The following SLC19A3 variants were observed in gnomAD, a reference collection of about 807,000 sequenced individuals.
SLC19A3 encodes the protein solute carrier family 19 member 3.
A neutral mutation model predicts 40.2 loss-of-function variants in SLC19A3; 31 were observed. That is an observed-to-expected ratio of 0.77 (90% CI 0.58 to 1.04). The LOEUF (loss-of-function observed/expected upper bound fraction) is 1.04, where lower values mean the gene tolerates loss of function less well. SLC19A3 is among the 50% of genes least tolerant of loss of function. The pLI is 0.00. For synonymous variants in SLC19A3, 212 were observed against 227.5 expected (o/e 0.93, Z 0.61); for missense variants, 592 against 596.7 (o/e 0.99, Z 0.08).
intron 5 of SLC19A3, among the ~76,000 whole-genome samples, chr2:227,687,794 A>C (rs538154249): frequency 3.1e-4 from 47 of 152,304 alleles, no homozygotes; most frequent in African/African-American, 1.1e-3. Context: ...GCTTTAGAGC[A>C]GGTTGCTTGG....
chr2:227,687,732 G>T (rs1022151150), intron 5 of SLC19A3, among the ~76,000 whole-genome samples, 159 bp from the exon 6 acceptor site: 2 of 152,130 alleles, frequency 1.3e-5, no homozygotes, highest in Non-Finnish European at 2.9e-5. Context: ...TATCAAGTAA[G>T]AAATCAAGAT....
At chr2:227,708,380 T>C (rs1696022627) in intron 1 of SLC19A3, among the ~76,000 whole-genome samples, 1 of 152,344 alleles carries the variant, frequency 6.6e-6, no homozygotes. Flanking sequence ...TTTCTTCTTT[T>C]ATTTCAATTA....
At chr2:227,687,981 T>A (rs142631374) in intron 5 of SLC19A3, among the ~76,000 whole-genome samples, 185 bp downstream of exon 5, 343 of 152,362 alleles carry the variant, frequency 2.3e-3, no homozygotes, top group African/African-American at 7.3e-3. Context: ...GCCTTATCCA[T>A]GTAAATGTTG....
chr2:227,688,303 G>C lies in SLC19A3; in HGVS notation c.1177C>G (p.Gln393Glu), dbSNP rs1416240998. The change falls in exon 5 of 6, where the codon CAG becomes GAG. Residue 393 changes from glutamine (Q) to glutamate (E), a missense_variant. Coordinates refer to ENST00000644224, the MANE Select transcript of SLC19A3 (RefSeq NM_025243.4). ...YMLLITIAVF[Q>E]IAVNLNVERY... ...TCCACATTCAGATTAACTGCAATCT[G>C]AAATCTATCATTAAACATAAATAAG... 1 of 1,613,602 alleles carries C rather than the reference G, an allele frequency of 6.2e-7. No homozygotes were observed. Among genetic ancestry groups the C allele is most frequent in the East Asian group, 2.2e-5 (1 of 44,880 alleles).
intron 1 of SLC19A3, among the ~76,000 whole-genome samples, chr2:227,712,988 T>C (rs376912148): frequency 3.9e-5 from 6 of 152,168 alleles, no homozygotes; most frequent in African/African-American, 1.4e-4. Context: ...TTGATTGTGG[T>C]GATGATTACA....
At chr2:227,704,623 C>G (rs56347459) in intron 1 of SLC19A3, among the ~76,000 whole-genome samples, 25,903 of 151,764 alleles carry the variant, frequency 0.17, 2,637 homozygotes, top group African/African-American at 0.28. Flanking sequence ...CTGTTTGAGA[C>G]AGCCTGGCTA....
At chr2:227,691,315 AAAG>A (rs1695218151) in intron 4 of SLC19A3, among the ~76,000 whole-genome samples, 1 of 152,230 alleles carries the variant, frequency 6.6e-6, no homozygotes, top group Non-Finnish European at 1.5e-5. Context: ...TACATAAAAA[AAAG>A]AAGAGAGGCC....
At chr2:227,710,103 C>G (rs931498844) in intron 1 of SLC19A3, among the ~76,000 whole-genome samples, 3 of 152,048 alleles carry the variant, frequency 2.0e-5, no homozygotes, top group Non-Finnish European at 4.4e-5. Flanking sequence ...TGACGGGAGA[C>G]GGAGCTCAGG....
At chr2:227,713,898 T>G (rs1012477512) in intron 1 of SLC19A3, among the ~76,000 whole-genome samples, 1 of 151,644 alleles carries the variant, frequency 6.6e-6, no homozygotes, top group East Asian at 1.9e-4. Flanking sequence ...GGACATAGCA[T>G]GAAGATTTCA....
At chr2:227,698,059 C>T (rs1300605444) in intron 3 of SLC19A3, among the ~76,000 whole-genome samples, 1 of 152,092 alleles carries the variant, frequency 6.6e-6, no homozygotes, top group Non-Finnish European at 1.5e-5. Flanking sequence ...AGCTTGGTGA[C>T]AGAGTGAGGC....
chr2:227,685,424 C>G lies in SLC19A3; in HGVS notation c.*1973G>C, dbSNP rs1694981632. 1 of 152,152 alleles carries G rather than the reference C, an allele frequency of 6.6e-6. No individual in the cohort carries two copies. The highest frequency in any genetic ancestry group is 2.4e-5 in the African/African-American group (1 of 41,408). 9.4% of individuals were successfully genotyped at this position (152,152 alleles called of 1,614,324 possible). On this transcript the variant is annotated 3_prime_UTR_variant, in exon 6 of 6. Transcript: ENST00000644224. ...TCACGATAACTCACTGTCATGAGAC[C>G]AGCACTGAGGGGACGGTGCCAAACC...
In SLC19A3 at chr2:227,698,807, C is replaced by T. The variant is rs1322524231; in HGVS notation, c.908G>A (p.Trp303Ter). 1.2e-6 allele frequency: 2 copies of T among 1,614,064 alleles called. No homozygotes were observed. The highest frequency in any genetic ancestry group is 1.3e-5 in the African/African-American group (1 of 74,920). ...NQVLNYVQIL[W>*]DYKAPSQDSS... ...ATCTTGGGATGGCGCCTTGTAATCC[C>T]ACAGGATTTGAACATAGTTCAAAAC... The change falls in exon 3 of 6, where the codon TGG becomes TAG. Residue 303 changes from tryptophan to a stop codon, truncating the protein, a stop_gained. Coordinates refer to ENST00000644224, the MANE Select transcript of SLC19A3 (RefSeq NM_025243.4). LOFTEE classifies it high-confidence loss of function.
At position 227,698,744 on chromosome 2, in the gene SLC19A3, G is replaced by T. The variant is rs933274402; in HGVS notation, c.971C>A (p.Thr324Asn). 1.2e-6 allele frequency: 2 copies of T among 1,613,304 alleles called. No homozygotes were observed. The highest frequency in any genetic ancestry group is 2.2e-5 in the East Asian group (1 of 44,876). The change falls in exon 3 of 6, where the codon ACC (threonine) becomes AAC (asparagine). Residue 324 changes from threonine to asparagine, a missense_variant. Physicochemically the swap from Thr to Asn is moderately conservative, Grantham distance 65. Coordinates refer to ENST00000644224, the MANE Select transcript of SLC19A3 (RefSeq NM_025243.4). Reference protein sequence around the residue: ...IYNGAVEAIATFGGAVAAFAV... With the variant: ...IYNGAVEAIANFGGAVAAFAV... ...AAGTGACATTTGCTTACCTCCAAAG[G>T]TTGCAATAGCTTCTACGGCCCCATT... is the stretch of plus-strand genomic sequence containing the variant.
chr2:227,687,303 G>T lies in SLC19A3; in HGVS notation c.*94C>A. ...ATTGGAATCCAGATTTGCAAAGCATGTCAAGTTATGGCAAAACATATGCCA... is the reference window on the plus strand; with the variant it reads ...ATTGGAATCCAGATTTGCAAAGCATTTCAAGTTATGGCAAAACATATGCCA... On this transcript the variant is annotated 3_prime_UTR_variant, in exon 6 of 6. Transcript: ENST00000644224. 2 of 1,319,328 alleles carry T rather than the reference G, an allele frequency of 1.5e-6. No homozygotes were observed. Among genetic ancestry groups the T allele is most frequent in the Non-Finnish European group, 2.1e-6 (2 of 954,344 alleles). The allele number at this position is 1,319,328 out of a possible 1,614,324, so 81.7% of individuals were successfully genotyped here.
At chr2:227,706,766 G>A in intron 1 of SLC19A3, 1 of 154,228 alleles carries the variant, frequency 6.5e-6, no homozygotes, top group Non-Finnish European at 1.4e-5. Flanking sequence ...GAACGACTGT[G>A]TTAATAACAA....
In SLC19A3 at chr2:227,687,555, A is replaced by G; in HGVS notation, c.1333T>C (p.Tyr445His). ...AAAATTCCAGCAATTACTGCAAAAT[A>G]GCTCCCATAAACTAAAAACTGGAGA... ...VSIQFLVYGSYFAVIAGIFLM... is the reference protein window; with the variant it reads ...VSIQFLVYGSHFAVIAGIFLM... Residue 445 changes from tyrosine (Y) to histidine (H), a missense_variant, in exon 6 of 6, where the codon TAT becomes CAT. Coordinates refer to ENST00000644224, the MANE Select transcript of SLC19A3 (RefSeq NM_025243.4). The G allele has an allele frequency of 6.2e-7, 1 of 1,614,072 alleles. No homozygotes were observed.
intron 4 of SLC19A3, among the ~76,000 whole-genome samples, chr2:227,691,057 A>G (rs1695206810): frequency 1.3e-5 from 2 of 152,226 alleles, no homozygotes; most frequent in South Asian, 2.1e-4. Context: ...ATTTGAAATA[A>G]TTAATATCAA....
chr2:227,716,736 C>T (rs1696347033), intron 1 of SLC19A3, among the ~76,000 whole-genome samples: 1 of 152,078 alleles, frequency 6.6e-6, no homozygotes, highest in Non-Finnish European at 1.5e-5. Context: ...CTCTGATTCT[C>T]CCTGTGTGCA....
At position 227,687,338 on chromosome 2, in the gene SLC19A3, A is replaced by G. The variant is rs991975369; in HGVS notation, c.*59T>C. On this transcript the variant is annotated 3_prime_UTR_variant, in exon 6 of 6. Transcript: ENST00000644224. ...GGCAAAACATATGCCACCCATCTCA[A>G]AATCTTTCCTTATTATTGCATAACT... 93 of 1,530,974 alleles carry G rather than the reference A, an allele frequency of 6.1e-5. No individual in the cohort carries two copies. In the Middle Eastern group the frequency reaches 7.0e-4, roughly 12 times the overall value. The allele number at this position is 1,530,974 out of a possible 1,614,324, so 94.8% of individuals were successfully genotyped here.
Sources: allele counts gnomAD v4.1 joint callset (sites outside exome capture counted in the v4.1 genomes callset), GRCh38; gene constraint gnomAD v4.1.1; transcripts MANE v1.5; gene names NCBI Gene and HGNC (gene_info 2026-07-23, HGNC 2026-07-21).